The following HIVEP3 variants were observed in gnomAD, a reference collection of about 807,000 sequenced individuals.
The protein encoded by HIVEP3 is HIVEP zinc finger 3.
In HIVEP3, 49 loss-of-function variants were observed where a neutral mutation model predicts 152.8. That is an observed-to-expected ratio of 0.32 (90% CI 0.26 to 0.41). HIVEP3 has a LOEUF of 0.41. Ranked by LOEUF, HIVEP3 falls within the 10% of genes least tolerant of loss-of-function variation. HIVEP3 has a pLI of 1.00. For synonymous variants in HIVEP3, 1,269 were observed against 1,289.0 expected (o/e 0.98, Z 0.33); for missense variants, 2,790 against 3,103.3 (o/e 0.90, Z 2.40).
intron 1 of HIVEP3, among the ~76,000 whole-genome samples, chr1:41,744,030 C>A (rs1339564692): frequency 6.6e-6 from 1 of 151,126 alleles, no homozygotes; most frequent in Non-Finnish European, 1.5e-5. Flanking sequence ...AGTTCAGAAG[C>A]CAGCCAGCAT....
chr1:41,549,630 A>T lies in HIVEP3; in HGVS notation c.5208-24720T>A, dbSNP rs574348220. Among the ~76,000 whole-genome samples, 14 of 152,284 alleles carry T rather than the reference A, an allele frequency of 9.2e-5. No homozygotes were observed. The South Asian group carries it at 2.9e-3, about 32-fold the overall frequency. The stretch of plus-strand genomic sequence containing the variant: ...TGCATTTCTCTGATGACCAGTGATG[A>T]TGAGCATTTTCTCATGTGTCTGTTG... On this transcript the variant is annotated intron_variant, in intron 5 of 8. Coordinates refer to ENST00000372583, the MANE Select transcript of HIVEP3 (RefSeq NM_024503.5).
intron 1 of HIVEP3, among the ~76,000 whole-genome samples, chr1:41,994,880 G>A (rs971629248): frequency 5.3e-5 from 8 of 151,656 alleles, no homozygotes; most frequent in East Asian, 1.9e-4. Flanking sequence ...AAAATAACCC[G>A]AGAGGCTCCA....
chr1:42,021,300 C>T (rs1306288751), intron 1 of HIVEP3, among the ~76,000 whole-genome samples: 2 of 152,060 alleles, frequency 1.3e-5, no homozygotes, highest in Non-Finnish European at 2.9e-5. Context: ...GTGCTCAGAT[C>T]CAGGCTGTGT....
rs1646202366 is a variant in HIVEP3 at position 41,691,849 on chromosome 1, A to T, written c.-721+9067T>A. Among the ~76,000 whole-genome samples, 5 of 151,370 alleles carry T rather than the reference A, an allele frequency of 3.3e-5. 1 individual carries two copies. Among genetic ancestry groups the T allele is most frequent in the Admixed American group, 3.3e-4 (5 of 15,184 alleles). On this transcript the variant is annotated intron_variant, in intron 2 of 8. Transcript: ENST00000372583. Reference sequence around the variant, plus strand: ...TTGTAACCTCCAAATCAATACTTACATTCATAGTCACTTGTGGGTGTGCAG... The same window carrying T: ...TTGTAACCTCCAAATCAATACTTACTTTCATAGTCACTTGTGGGTGTGCAG...
At chr1:42,032,001 T>C (rs1645615863) in intron 1 of HIVEP3, among the ~76,000 whole-genome samples, 1 of 152,328 alleles carries the variant, frequency 6.6e-6, no homozygotes, top group African/African-American at 2.4e-5. Flanking sequence ...TGTGTTTGAA[T>C]TGGAAAGAAA....
At chr1:41,785,512 T>C (rs1649294987) in intron 1 of HIVEP3, among the ~76,000 whole-genome samples, 1 of 152,150 alleles carries the variant, frequency 6.6e-6, no homozygotes, top group Non-Finnish European at 1.5e-5. Context: ...TGACAAGGAA[T>C]AGTGGTTAAA....
At chr1:41,926,665 A>T (rs1208552939) in intron 1 of HIVEP3, among the ~76,000 whole-genome samples, 1 of 152,014 alleles carries the variant, frequency 6.6e-6, no homozygotes, top group African/African-American at 2.4e-5. Context: ...AACTTCCCCC[A>T]TCGTGAAGTT....
intron 1 of HIVEP3, among the ~76,000 whole-genome samples, chr1:41,818,325 A>C (rs1570601264): frequency 6.6e-6 from 1 of 152,234 alleles, no homozygotes; most frequent in East Asian, 1.9e-4. Context: ...AGCAGGGTGC[A>C]AAGATTCCTG....
intron 1 of HIVEP3, among the ~76,000 whole-genome samples, chr1:41,791,086 C>T (rs1308228904): frequency 6.6e-6 from 1 of 150,980 alleles, no homozygotes; most frequent in Admixed American, 6.6e-5. Context: ...CTTAGTTATC[C>T]ATAATTCTCT....
At chr1:41,738,392 A>G (rs956351445) in intron 1 of HIVEP3, among the ~76,000 whole-genome samples, 15 of 152,162 alleles carry the variant, frequency 9.9e-5, no homozygotes, top group Non-Finnish European at 2.1e-4. Context: ...TCAGACCATC[A>G]ATTCTACTTG....
intron 5 of HIVEP3, among the ~76,000 whole-genome samples, chr1:41,539,457 C>T (rs1381598581): frequency 1.3e-5 from 2 of 152,226 alleles, no homozygotes; most frequent in South Asian, 2.1e-4. Flanking sequence ...CCATCTTCTC[C>T]CAGAATGGCC....
At chr1:41,876,340 G>T (rs1349677995) in intron 1 of HIVEP3, among the ~76,000 whole-genome samples, 1 of 152,158 alleles carries the variant, frequency 6.6e-6, no homozygotes, top group Non-Finnish European at 1.5e-5. Context: ...CAGTCAGACT[G>T]CAGGGCCTGG....
intron 1 of HIVEP3, among the ~76,000 whole-genome samples, chr1:41,739,767 A>T (rs1646970445): frequency 6.6e-6 from 1 of 152,224 alleles, no homozygotes; most frequent in Non-Finnish European, 1.5e-5. Context: ...CACAGATGAG[A>T]AAAACTGAGG....
In HIVEP3 at chr1:41,702,038, T is replaced by C. The variant is rs568445737; in HGVS notation, c.-800-1043A>G. 1.9e-3 allele frequency among the ~76,000 whole-genome samples: 286 copies of C among 152,318 alleles called. 2 individuals are homozygous for C. The highest frequency in any genetic ancestry group is 4.9e-3 in the African/African-American group (205 of 41,564). On this transcript the variant is annotated intron_variant, in intron 1 of 8. Coordinates refer to ENST00000372583, the MANE Select transcript of HIVEP3 (RefSeq NM_024503.5). ...CCCTTAGGGAGGCCATCTGGTCTTC[T>C]TCCAGCTCTGAGTCCTCAAGAGTAA... is the stretch of plus-strand genomic sequence containing the variant.
intron 1 of HIVEP3, among the ~76,000 whole-genome samples, chr1:41,777,881 T>A (rs1648808434): frequency 6.6e-6 from 1 of 152,130 alleles, no homozygotes; most frequent in Non-Finnish European, 1.5e-5. Context: ...GTAAAAGGTA[T>A]CATGTGGCCC....
At chr1:41,592,882 C>T (rs1644607596) in intron 3 of HIVEP3, among the ~76,000 whole-genome samples, 2 of 152,230 alleles carry the variant, frequency 1.3e-5, no homozygotes, top group Admixed American at 6.5e-5. Context: ...TGTATCCCAG[C>T]AAGCAGCCCA....
chr1:41,531,142 T>G (rs1354658439), intron 5 of HIVEP3, among the ~76,000 whole-genome samples: 1 of 123,470 alleles, frequency 8.1e-6, no homozygotes, highest in Non-Finnish European at 1.7e-5. Context: ...ACAGGAGAGA[T>G]GGAGGACAGG....
intron 2 of HIVEP3, among the ~76,000 whole-genome samples, chr1:41,635,341 A>G (rs1197425671): frequency 1.3e-5 from 2 of 152,124 alleles, no homozygotes; most frequent in Admixed American, 6.5e-5. Context: ...TTCATGATAA[A>G]TTAAGAAAGG....
At chr1:41,995,475 G>A (rs754146947) in intron 1 of HIVEP3, among the ~76,000 whole-genome samples, 2 of 152,150 alleles carry the variant, frequency 1.3e-5, no homozygotes, top group African/African-American at 2.4e-5. Flanking sequence ...TTTGCTACCA[G>A]CAGACACTCT....
Sources: gnomAD v4.1 joint callset for allele counts (sites outside exome capture counted in the v4.1 genomes callset) on GRCh38, gnomAD v4.1.1 for gene constraint, MANE v1.5 for transcripts, NCBI Gene and HGNC (gene_info 2026-07-23, HGNC 2026-07-21) for gene names.